ANK2: variants seen among roughly 807,000 people sequenced by gnomAD.
ANK2 encodes ankyrin 2.
A neutral mutation model predicts 360.5 loss-of-function variants in ANK2; 83 were observed. The observed-to-expected ratio is 0.23, with a 90% CI of 0.19 to 0.28. ANK2 has a LOEUF of 0.28. Among genes scored for constraint, ANK2 ranks in the 10% least tolerant of loss-of-function variants. ANK2 has a pLI of 1.00. For synonymous variants in ANK2, 1,740 were observed against 1,759.5 expected (o/e 0.99, Z 0.28); for missense variants, 4,201 against 4,795.7 (o/e 0.88, Z 3.66).
intron 1 of ANK2, among the ~76,000 whole-genome samples, chr4:112,864,015 T>C (rs903352702): frequency 6.6e-6 from 1 of 152,064 alleles, no homozygotes; most frequent in Non-Finnish European, 1.5e-5. Flanking sequence ...AGGCTTACAT[T>C]TGGGTGGGAA....
At chr4:113,192,056 A>G (rs531794557) in intron 2 of ANK2, among the ~76,000 whole-genome samples, 127 of 152,194 alleles carry the variant, frequency 8.3e-4, no homozygotes, top group African/African-American at 3.0e-3. Context: ...CAACAAAACC[A>G]TTTCTTTTCT....
At chr4:113,083,240 G>A (rs1462454081) in intron 1 of ANK2, among the ~76,000 whole-genome samples, 3 of 152,140 alleles carry the variant, frequency 2.0e-5, no homozygotes, top group African/African-American at 7.2e-5. Flanking sequence ...GTGCAGTGAT[G>A]CAATCATAGC....
In ANK2 at chr4:113,382,412, C is replaced by G. The variant is rs1180620933; in HGVS notation, c.*941C>G. 2.0e-5 allele frequency: 3 copies of G among 152,680 alleles called. No individual in the cohort carries two copies. Among genetic ancestry groups the G allele is most frequent in the Admixed American group, 2.0e-4 (3 of 15,298 alleles). 9.5% of individuals were successfully genotyped at this position (152,680 alleles called of 1,614,324 possible). On this transcript the variant is annotated 3_prime_UTR_variant, in exon 46 of 46. Transcript: ENST00000357077. Reference sequence around the variant, plus strand: ...GCTGGCAGCTACATTGTGTGGCATTCTAGCATCTTCAGGTCTTTAGATCTT... The same window carrying G: ...GCTGGCAGCTACATTGTGTGGCATTGTAGCATCTTCAGGTCTTTAGATCTT...
chr4:113,361,964 C>T (rs935882320), intron 39 of ANK2, among the ~76,000 whole-genome samples: 1 of 152,146 alleles, frequency 6.6e-6, no homozygotes, highest in South Asian at 2.1e-4. Context: ...ACACCTACTT[C>T]TATCTTCTAG....
intron 9 of ANK2, among the ~76,000 whole-genome samples, chr4:113,246,858 T>C (rs531842291): frequency 6.6e-6 from 1 of 152,176 alleles, no homozygotes; most frequent in Non-Finnish European, 1.5e-5. Flanking sequence ...TATTATTTTC[T>C]TGTTGAGAAT....
chr4:113,347,667 C>G (rs935592519), intron 35 of ANK2: 2 of 152,610 alleles, frequency 1.3e-5, no homozygotes, highest in African/African-American at 4.8e-5. Context: ...GAAAATATAC[C>G]TTAGTATTTA....
intron 1 of ANK2, among the ~76,000 whole-genome samples, chr4:113,137,095 A>T (rs1052354962): frequency 5.9e-5 from 9 of 152,076 alleles, no homozygotes; most frequent in Admixed American, 3.3e-4. Context: ...TGGCCCCCCA[A>T]AGTGCTGGGA....
At chr4:113,010,641 T>C (rs1308387380) in intron 2 of ANK2, among the ~76,000 whole-genome samples, 2 of 152,074 alleles carry the variant, frequency 1.3e-5, no homozygotes, top group Non-Finnish European at 2.9e-5. Flanking sequence ...ATGAACAGCC[T>C]GGTGTGATGG....
chr4:113,175,132 C>T (rs1263473790), intron 2 of ANK2, among the ~76,000 whole-genome samples: 1 of 152,048 alleles, frequency 6.6e-6, no homozygotes, highest in Non-Finnish European at 1.5e-5. Flanking sequence ...TAGTGGACTG[C>T]AGTATTCACT....
intron 1 of ANK2, among the ~76,000 whole-genome samples, chr4:113,147,989 C>G (rs1236771070): frequency 2.6e-5 from 4 of 152,132 alleles, no homozygotes; most frequent in Non-Finnish European, 5.9e-5. Context: ...ATGCAGATGA[C>G]TGGTGGGTGT....
At chr4:113,139,118 TGATA>T in intron 1 of ANK2, among the ~76,000 whole-genome samples, 1 of 152,292 alleles carries the variant, frequency 6.6e-6, no homozygotes, top group South Asian at 2.1e-4. Context: ...GAGTCCTCTT[TGATA>T]GATAGATAGG....
chr4:112,952,020 T>C (rs2095054491), intron 2 of ANK2, among the ~76,000 whole-genome samples: 1 of 152,214 alleles, frequency 6.6e-6, no homozygotes. Context: ...CTCACCATTG[T>C]ACAAATTATC....
intron 1 of ANK2, among the ~76,000 whole-genome samples, chr4:112,852,218 C>T (rs555073151): frequency 2.0e-5 from 3 of 152,366 alleles, no homozygotes; most frequent in Non-Finnish European, 4.4e-5. Flanking sequence ...ACACCATGCT[C>T]ATTCCTATAT....
chr4:113,381,045 A>T (rs1019451193), intron 45 of ANK2, among the ~76,000 whole-genome samples: 3 of 152,202 alleles, frequency 2.0e-5, no homozygotes, highest in Non-Finnish European at 2.9e-5. Context: ...CAAATAAATT[A>T]AAAAAAGGTT....
intron 2 of ANK2, among the ~76,000 whole-genome samples, chr4:112,907,500 C>T (rs555750623): frequency 6.6e-6 from 1 of 152,208 alleles, no homozygotes. Flanking sequence ...TCTTTCCCCT[C>T]CTCCTCATCC....
the ANK2 span, among the ~76,000 whole-genome samples, chr4:112,776,401 A>G: frequency 6.6e-6 from 1 of 152,216 alleles, no homozygotes; most frequent in Non-Finnish European, 1.5e-5. Flanking sequence ...CATGGTGGAA[A>G]AGTAACTAGG....
In ANK2 at chr4:113,292,473, G is replaced by A. The variant is rs2153744101; in HGVS notation, c.2335G>A (p.Val779Ile). ...AQQGHTHIIN[V>I]LLQHGAKPNA... ...GCAGGGTCACACGCACATCATCAAC[G>A]TCCTGCTCCAGCATGGGGCCAAGCC... is the stretch of plus-strand genomic sequence containing the variant. Residue 779 changes from valine to isoleucine, a missense_variant, in exon 21 of 46, where the codon GTC (valine) becomes ATC (isoleucine). Transcript: ENST00000357077. 1.9e-6 allele frequency: 3 copies of A among 1,611,918 alleles called. No individual in the cohort carries two copies. Among genetic ancestry groups the A allele is most frequent in the Admixed American group, 1.7e-5 (1 of 59,844 alleles).
At chr4:112,784,350 ATTTTTTTTTTT>A in the ANK2 span, among the ~76,000 whole-genome samples, 1 of 69,522 alleles carries the variant, frequency 1.4e-5, no homozygotes, top group Non-Finnish European at 2.8e-5. Flanking sequence ...ACCCTGACTG[ATTTTTTTTTTT>A]TTTTTTTTTT....
At chr4:112,927,870 T>C (rs989503607) in intron 2 of ANK2, among the ~76,000 whole-genome samples, 1 of 152,218 alleles carries the variant, frequency 6.6e-6, no homozygotes. Flanking sequence ...TATTCTCTTT[T>C]GCTTTCTAGA....
Sources: allele counts gnomAD v4.1 joint callset (sites outside exome capture counted in the v4.1 genomes callset), GRCh38; gene constraint gnomAD v4.1.1; transcripts MANE v1.5; gene names NCBI Gene and HGNC (gene_info 2026-07-23, HGNC 2026-07-21).